The following TMCO4 variants were observed in gnomAD, a reference collection of about 807,000 sequenced individuals.
The protein encoded by TMCO4 is transmembrane and coiled-coil domains 4.
Under a neutral mutation model 64.7 loss-of-function variants are expected in TMCO4, and 58 were observed. That is an observed-to-expected ratio of 0.90 (90% CI 0.73 to 1.12). TMCO4 has a LOEUF of 1.12. TMCO4 is among the 50% of genes most tolerant of loss of function. The pLI is 0.00. For missense variants in TMCO4, 780 were observed against 825.9 expected, an observed-to-expected ratio of 0.94 and a Z score of 0.68; for synonymous variants, 325 against 346.1, an observed-to-expected ratio of 0.94 and a Z score of 0.68.
chr1:19,769,069 G>C (rs776370039), intron 6 of TMCO4, among the ~76,000 whole-genome samples: 4 of 152,186 alleles, frequency 2.6e-5, no homozygotes, highest in Non-Finnish European at 4.4e-5. Context: ...CATCCGCCCT[G>C]CTGCGTGGGC....
chr1:19,761,952 G>A (rs146616562), intron 6 of TMCO4, among the ~76,000 whole-genome samples: 52 of 152,348 alleles, frequency 3.4e-4, no homozygotes, highest in Admixed American at 1.2e-3. Flanking sequence ...ATCATGGCAG[G>A]AGCTTGCATT....
chr1:19,767,604 G>T (rs2042792597), intron 6 of TMCO4, among the ~76,000 whole-genome samples: 1 of 152,108 alleles, frequency 6.6e-6, no homozygotes, highest in Non-Finnish European at 1.5e-5. Flanking sequence ...ACTCTCTCTG[G>T]GTGAGGAAAG....
At chr1:19,707,427 A>C (rs568284714) in intron 13 of TMCO4, among the ~76,000 whole-genome samples, 45 of 152,372 alleles carry the variant, frequency 3.0e-4, no homozygotes, top group African/African-American at 1.0e-3. Flanking sequence ...GTTTGAGACC[A>C]GTCTGGCCAA....
chr1:19,762,591 G>A (rs1399396818), intron 6 of TMCO4, among the ~76,000 whole-genome samples: 3 of 152,328 alleles, frequency 2.0e-5, no homozygotes, highest in African/African-American at 4.8e-5. Context: ...GCTGCGTTTC[G>A]TACTTCATTA....
At position 19,764,083 on chromosome 1, in the gene TMCO4, A is replaced by C. The variant is rs918026197; in HGVS notation, c.382+6459T>G. On this transcript the variant is annotated intron_variant, in intron 6 of 15. Coordinates refer to ENST00000294543, the MANE Select transcript of TMCO4 (RefSeq NM_181719.7). ...CTCCCATCTCCACCTTCTTGGATGT[A>C]GGATCAGTAAGAGAAGCAGCTCCTT... Among the ~76,000 whole-genome samples the C allele has an allele frequency of 2.6e-5, 4 of 152,320 alleles. No individual in the cohort carries two copies. The South Asian group carries it at 6.2e-4, about 24-fold the overall frequency.
chr1:19,744,671 C>T (rs951084401), intron 10 of TMCO4, among the ~76,000 whole-genome samples: 20 of 152,250 alleles, frequency 1.3e-4, no homozygotes, highest in African/African-American at 4.3e-4. Context: ...TCTTTCAAAC[C>T]GCTGGGCCTT....
At chr1:19,784,208 A>AG in intron 3 of TMCO4, among the ~76,000 whole-genome samples, 1 of 152,096 alleles carries the variant, frequency 6.6e-6, no homozygotes, top group Non-Finnish European at 1.5e-5. Context: ...GCTTCTAACC[A>AG]CAGAGGTATG....
chr1:19,745,129 T>C (rs1159514213), intron 10 of TMCO4, among the ~76,000 whole-genome samples: 1 of 150,116 alleles, frequency 6.7e-6, no homozygotes, highest in East Asian at 2.0e-4. Flanking sequence ...GGTAGAAGTG[T>C]GGATGGATGC....
chr1:19,748,850 A>G (rs1455607677), intron 7 of TMCO4, among the ~76,000 whole-genome samples: 1 of 152,162 alleles, frequency 6.6e-6, no homozygotes, highest in Non-Finnish European at 1.5e-5. Flanking sequence ...GAATGAATGA[A>G]TGAATGAAAT....
chr1:19,715,388 C>T (rs560177839), intron 13 of TMCO4, among the ~76,000 whole-genome samples: 103 of 152,240 alleles, frequency 6.8e-4, no homozygotes, highest in African/African-American at 2.4e-3. Context: ...GGATTACAGG[C>T]ACAGGTTACC....
chr1:19,685,815 G>C (rs2095144450), intron 15 of TMCO4, among the ~76,000 whole-genome samples: 1 of 149,932 alleles, frequency 6.7e-6, no homozygotes. Flanking sequence ...CTAGGTTCAT[G>C]CCATTCTCCT....
chr1:19,737,521 T>C, intron 12 of TMCO4, 65 bp from the exon 13 acceptor site: 1 of 1,483,394 alleles, frequency 6.7e-7, no homozygotes, highest in Non-Finnish European at 9.4e-7. Context: ...ACATCAGGCC[T>C]GAGGAGGGCA....
intron 15 of TMCO4, among the ~76,000 whole-genome samples, chr1:19,692,315 C>T (rs2095201555): frequency 1.3e-5 from 2 of 152,174 alleles, no homozygotes; most frequent in Non-Finnish European, 2.9e-5. Context: ...GCTGGGGCTA[C>T]ATCTATTGGC....
intron 7 of TMCO4, among the ~76,000 whole-genome samples, chr1:19,752,448 G>A (rs890555727): frequency 1.3e-5 from 2 of 152,172 alleles, no homozygotes; most frequent in South Asian, 2.1e-4. Context: ...CAAGACGCCC[G>A]CATTGCCCAT....
At chr1:19,691,890 G>C (rs182955395) in intron 15 of TMCO4, among the ~76,000 whole-genome samples, 1 of 152,158 alleles carries the variant, frequency 6.6e-6, no homozygotes. Context: ...TAGTGAATAC[G>C]TCTCCTGAGA....
rs563718494 is a variant in TMCO4, at chr1:19,764,750, G to A, written c.382+5792C>T. On this transcript the variant is annotated intron_variant, in intron 6 of 15. Transcript: ENST00000294543. ...CATGCCTGTAATCCCGGCTAGTCGG[G>A]AGGCTGAGGCAGGAGAATTGCTTGA... Among the ~76,000 whole-genome samples, 36 of 151,824 alleles carry A rather than the reference G, an allele frequency of 2.4e-4. No homozygotes were observed. The South Asian group carries it at 3.9e-3, about 17-fold the overall frequency.
At chr1:19,757,028 C>T (rs931066042) in intron 6 of TMCO4, among the ~76,000 whole-genome samples, 2 of 151,904 alleles carry the variant, frequency 1.3e-5, no homozygotes, top group African/African-American at 2.4e-5. Flanking sequence ...GGAGGTCGGG[C>T]GCCTGTAATC....
intron 6 of TMCO4, 61 bp from the exon 7 acceptor site, chr1:19,755,827 A>G: frequency 1.2e-6 from 2 of 1,605,468 alleles, no homozygotes; most frequent in East Asian, 2.2e-5. Flanking sequence ...CAGTGATGTT[A>G]GCAGTGTAAC....
chr1:19,748,788 G>A (rs1003155546), intron 7 of TMCO4, among the ~76,000 whole-genome samples: 13 of 152,192 alleles, frequency 8.5e-5, no homozygotes, highest in African/African-American at 3.1e-4. Context: ...TCCCACCACT[G>A]CACTCCAGCT....
Sources: allele counts gnomAD v4.1 joint callset (sites outside exome capture counted in the v4.1 genomes callset), GRCh38; gene constraint gnomAD v4.1.1; transcripts MANE v1.5; gene names NCBI Gene and HGNC (gene_info 2026-07-23, HGNC 2026-07-21).